Variants in NTM observed in about 807,000 individuals in gnomAD.
NTM encodes neurotrimin.
A neutral mutation model predicts 42.1 loss-of-function variants in NTM; 13 were observed. The observed-to-expected ratio is 0.31, with a 90% CI of 0.20 to 0.49. The LOEUF is 0.49. Ranked by LOEUF, NTM falls within the 20% of genes least tolerant of loss-of-function variation. The pLI, the probability that NTM is intolerant of heterozygous loss-of-function variation, is 0.99. For synonymous variants in NTM, 187 were observed against 179.2 expected, an observed-to-expected ratio of 1.04 and a Z score of -0.35; for missense variants, 373 against 452.8, an observed-to-expected ratio of 0.82 and a Z score of 1.60.
chr11:132,292,813 A>C (rs3099781), intron 4 of NTM, among the ~76,000 whole-genome samples: 7 of 142,774 alleles, frequency 4.9e-5, no homozygotes, highest in Admixed American at 4.3e-4. Flanking sequence ...AAAAAAAAAA[A>C]CTAAAAAATG....
chr11:132,028,723 C>T (rs1219385368), intron 2 of NTM, among the ~76,000 whole-genome samples: 1 of 152,132 alleles, frequency 6.6e-6, no homozygotes, highest in African/African-American at 2.4e-5. Context: ...GGGTATTTTC[C>T]CTTCCCTGCA....
At chr11:131,914,819 C>T (rs1044167288) in intron 2 of NTM, among the ~76,000 whole-genome samples, 2 of 152,200 alleles carry the variant, frequency 1.3e-5, no homozygotes, top group Non-Finnish European at 2.9e-5. Flanking sequence ...TAATTGAGTG[C>T]TCACTATGTG....
Position 131,610,379 on chromosome 11 carries a change from T to A in NTM, c.82+239491T>A, listed in dbSNP as rs75290215. Among the ~76,000 whole-genome samples the A allele has an allele frequency of 4.2e-3, 644 of 152,344 alleles. 7 individuals are homozygous for A. Among genetic ancestry groups the A allele is most frequent in the African/African-American group, 0.014 (595 of 41,586 alleles). The stretch of plus-strand genomic sequence containing the variant: ...AGAAAGAAACCCATTAAAAACTTTG[T>A]TCCTGGGGCTTTTATTGGGGCTTTT... On this transcript the variant is annotated intron_variant, in intron 1 of 8. Transcript: ENST00000683400.
chr11:131,776,626 G>A (rs1455871254), intron 1 of NTM, among the ~76,000 whole-genome samples: 1 of 151,512 alleles, frequency 6.6e-6, no homozygotes, highest in East Asian at 1.9e-4. Context: ...TTTGACTTCT[G>A]TATTGGTTAG....
At chr11:131,884,488 C>A (rs1484828537) in intron 1 of NTM, among the ~76,000 whole-genome samples, 6 of 152,130 alleles carry the variant, frequency 3.9e-5, no homozygotes. Flanking sequence ...GGTCTCATAG[C>A]TAGAATAGGG....
chr11:132,270,568 G>T (rs145460070), intron 4 of NTM, among the ~76,000 whole-genome samples: 1 of 152,072 alleles, frequency 6.6e-6, no homozygotes, highest in African/African-American at 2.4e-5. Context: ...TTTGTCCAAA[G>T]AAATTTAGGT....
intron 1 of NTM, among the ~76,000 whole-genome samples, chr11:131,414,253 T>C (rs1196126975): frequency 6.6e-6 from 1 of 152,154 alleles, no homozygotes; most frequent in Non-Finnish European, 1.5e-5. Flanking sequence ...CAAACCCATG[T>C]CCTGGGGGCA....
intron 1 of NTM, among the ~76,000 whole-genome samples, chr11:131,663,995 A>G (rs537725031): frequency 6.6e-6 from 1 of 152,288 alleles, no homozygotes; most frequent in African/African-American, 2.4e-5. Flanking sequence ...TGAAAATTCT[A>G]TCCCAAAAGA....
intron 1 of NTM, among the ~76,000 whole-genome samples, chr11:131,822,857 A>G (rs1033537984): frequency 1.3e-5 from 2 of 152,238 alleles, no homozygotes; most frequent in African/African-American, 4.8e-5. Flanking sequence ...CGGCTTTGAA[A>G]GCCAAACACA....
At chr11:132,134,519 T>A (rs1440888510) in intron 2 of NTM, among the ~76,000 whole-genome samples, 1 of 151,396 alleles carries the variant, frequency 6.6e-6, no homozygotes, top group Non-Finnish European at 1.5e-5. Context: ...AATGTATCAT[T>A]CTTATGCCTT....
intron 2 of NTM, among the ~76,000 whole-genome samples, chr11:131,925,376 C>CTT (rs2057800361): frequency 1.5e-5 from 2 of 129,610 alleles, no homozygotes; most frequent in Non-Finnish European, 3.3e-5. Flanking sequence ...TTTTTTCTTT[C>CTT]TTTTCTCTTT....
At chr11:131,532,553 C>T (rs1222928023) in intron 1 of NTM, among the ~76,000 whole-genome samples, 1 of 152,002 alleles carries the variant, frequency 6.6e-6, no homozygotes, top group African/African-American at 2.4e-5. Context: ...TGTTCAAGTC[C>T]CTGCTTTCTA....
chr11:131,552,014 A>C (rs1565630320), intron 1 of NTM, among the ~76,000 whole-genome samples: 2 of 152,180 alleles, frequency 1.3e-5, no homozygotes, highest in Non-Finnish European at 2.9e-5. Context: ...CAAAAGATCT[A>C]CATGTGCATT....
At chr11:131,748,285 G>A (rs1164018305) in intron 1 of NTM, among the ~76,000 whole-genome samples, 2 of 152,182 alleles carry the variant, frequency 1.3e-5, no homozygotes, top group African/African-American at 4.8e-5. Flanking sequence ...CACTTGCCAC[G>A]CAGTCACCAG....
At chr11:132,212,472 T>C (rs2083023656) in intron 4 of NTM, among the ~76,000 whole-genome samples, 2 of 152,186 alleles carry the variant, frequency 1.3e-5, no homozygotes, top group African/African-American at 4.8e-5. Flanking sequence ...TGGCAATTGT[T>C]CAGCTGGTTG....
chr11:132,257,891 A>C (rs1488930820), intron 4 of NTM, among the ~76,000 whole-genome samples: 1 of 152,128 alleles, frequency 6.6e-6, no homozygotes, highest in Admixed American at 6.5e-5. Context: ...ATAATGAGGG[A>C]GGGGCCTTCG....
chr11:132,086,190 G>T (rs1040146826), intron 2 of NTM, among the ~76,000 whole-genome samples: 1 of 152,026 alleles, frequency 6.6e-6, no homozygotes, highest in African/African-American at 2.4e-5. Context: ...TGGGCATGGT[G>T]GTGGGCGCCT....
At chr11:132,265,062 T>A (rs1011273669) in intron 4 of NTM, among the ~76,000 whole-genome samples, 35 of 152,368 alleles carry the variant, frequency 2.3e-4, no homozygotes, top group African/African-American at 8.4e-4. Flanking sequence ...ACCATAGTAG[T>A]AGCTAAGGTG....
intron 2 of NTM, among the ~76,000 whole-genome samples, chr11:132,076,692 C>G (rs948079682): frequency 3.3e-5 from 5 of 152,162 alleles, no homozygotes; most frequent in South Asian, 2.1e-4. Flanking sequence ...GTTTTTGAGT[C>G]CCACACCAAC....
Sources: allele counts gnomAD v4.1 joint callset (sites outside exome capture counted in the v4.1 genomes callset), GRCh38; gene constraint gnomAD v4.1.1; transcripts MANE v1.5; gene names NCBI Gene and HGNC (gene_info 2026-07-23, HGNC 2026-07-21).